The following RAP1GAP variants were observed in gnomAD, a reference collection of about 807,000 sequenced individuals.
The protein encoded by RAP1GAP is RAP1 GTPase activating protein.
In RAP1GAP, 35 loss-of-function variants were observed where a neutral mutation model predicts 87.2. The ratio of observed to expected loss-of-function variants is 0.40; its 90% CI spans 0.31 to 0.53. RAP1GAP has a LOEUF of 0.53. Among genes scored for constraint, RAP1GAP ranks in the 20% least tolerant of loss-of-function variants. RAP1GAP has a pLI of 0.48. For missense variants in RAP1GAP, 734 were observed against 898.9 expected (o/e 0.82, Z 2.35); for synonymous variants, 375 against 363.9 (o/e 1.03, Z -0.35).
In RAP1GAP at chr1:21,609,390, TG is replaced by T. The variant is rs1422637020; in HGVS notation, c.1071+184del. Among the ~76,000 whole-genome samples the T allele has an allele frequency of 3.5e-5, 4 of 114,162 alleles. No individual in the cohort carries two copies. The highest frequency in any genetic ancestry group is 1.0e-4 in the African/African-American group (3 of 29,102). 74.9% of individuals were successfully genotyped at this position (114,162 alleles called of 152,430 possible). On this transcript the variant is annotated intron_variant, in intron 15 of 24. Transcript: ENST00000374765. This position sits in a 1 kb window ranked among gnomAD's most constrained non-coding sequence, Gnocchi z 4.4. ...TCGTGTAGTTTATCCTGTGACCTTG[TG>T]AAAAAAAAAAAAAAGGTGTTTTCAA...
Position 21,601,720 on chromosome 1 carries a change from G to A in RAP1GAP, c.1616C>T (p.Thr539Ile), listed in dbSNP as rs1459210687. ...CGTGGGCATCTCTGGGGAGCTCTGA[G>A]TGGATGAGTTCTCCGACTTGGGCTC... ...SQEPKSENSS[T>I]QSSPEMPTTK... is the part of the protein sequence containing the mutation. The change falls in exon 20 of 25, where the codon ACT becomes ATT. Residue 539 changes from threonine to isoleucine, a missense_variant. By Grantham distance (89) the Thr-to-Ile change is moderately conservative. This residue lies in a region of RAP1GAP where 249 missense variants were observed against 252.7 expected (regional missense o/e 0.99). Coordinates refer to ENST00000374765, the MANE Select transcript of RAP1GAP (RefSeq NM_002885.4). The A allele has an allele frequency of 6.2e-7, 1 of 1,612,510 alleles. No homozygotes were observed. The highest frequency in any genetic ancestry group is 8.5e-7 in the Non-Finnish European group (1 of 1,178,948).
intron 1 of RAP1GAP, among the ~76,000 whole-genome samples, chr1:21,653,542 A>AACTTACTT (rs1432701497): frequency 1.7e-5 from 2 of 120,144 alleles, no homozygotes; most frequent in African/African-American, 3.0e-5. Context: ...AGAAGGGAGG[A>AACTTACTT]ACTTCCTTCC....
chr1:21,610,113 C>T lies in RAP1GAP; in HGVS notation c.999+7G>A, dbSNP rs368947098. 16 of 1,613,142 alleles carry T rather than the reference C, an allele frequency of 9.9e-6. No homozygotes were observed. Among genetic ancestry groups the T allele is most frequent in the African/African-American group, 9.3e-5 (7 of 74,904 alleles). On this transcript the variant is annotated splice_region_variant and intron_variant, in intron 14 of 24. Transcript: ENST00000374765. ...TGATGCCCCTGGGAGGCTCCAAGAGCGCCCACCTTGTAGAGGGGGCCATCA... is the reference window on the plus strand; with the variant it reads ...TGATGCCCCTGGGAGGCTCCAAGAGTGCCCACCTTGTAGAGGGGGCCATCA...
chr1:21,612,003 C>T (rs978553824), intron 11 of RAP1GAP, 23 bp downstream of exon 11: 12 of 1,524,700 alleles, frequency 7.9e-6, no homozygotes, highest in East Asian at 2.4e-5. Flanking sequence ...TGGGGAGGGG[C>T]GGCAGGGAGG....
intron 7 of RAP1GAP, 31 bp from the exon 8 acceptor site, chr1:21,614,120 G>T: frequency 6.8e-7 from 1 of 1,474,790 alleles, no homozygotes; most frequent in South Asian, 1.2e-5. Context: ...CAGGGGAGTG[G>T]GTGAGGCTGA....
chr1:21,624,387 C>G (rs138499026), intron 3 of RAP1GAP, among the ~76,000 whole-genome samples: 1 of 152,200 alleles, frequency 6.6e-6, no homozygotes, highest in African/African-American at 2.4e-5. Context: ...ACTGTCACCT[C>G]TGTTTTACAG....
At position 21,626,176 on chromosome 1, in the gene RAP1GAP, A is replaced by C. The variant is rs879636535; in HGVS notation, c.-19+128T>G. 5.7e-5 allele frequency: 47 copies of C among 819,724 alleles called. 1 individual carries two copies. Among genetic ancestry groups the C allele is most frequent in the Non-Finnish European group, 9.0e-5 (45 of 502,082 alleles). The allele number at this position is 819,724 out of a possible 1,614,324, so 50.8% of individuals were successfully genotyped here. On this transcript the variant is annotated intron_variant, in intron 3 of 24. Coordinates refer to ENST00000374765, the MANE Select transcript of RAP1GAP (RefSeq NM_002885.4). ...GGAGTGGCAACCCCTTAGGAGCTAAACCCCATCAGCATCTGCCTGAACATT... is the reference window on the plus strand; with the variant it reads ...GGAGTGGCAACCCCTTAGGAGCTAACCCCCATCAGCATCTGCCTGAACATT...
At position 21,615,269 on chromosome 1, in the gene RAP1GAP, G is replaced by A. The variant is rs1413754184; in HGVS notation, c.292-1180C>T. ...AACCTCCCCTCTCTGCCAGGATAGG[G>A]CCCAGTGCCTGAGCACCTGGCTGCT... On this transcript the variant is annotated intron_variant, in intron 7 of 24. Coordinates refer to ENST00000374765, the MANE Select transcript of RAP1GAP (RefSeq NM_002885.4). The surrounding 1 kb of genome is among the most constrained non-coding windows in gnomAD (Gnocchi z 4.5). Among the ~76,000 whole-genome samples, 2 of 152,268 alleles carry A rather than the reference G, an allele frequency of 1.3e-5. No homozygotes were observed. The highest frequency in any genetic ancestry group is 3.9e-4 in the East Asian group (2 of 5,168).
chr1:21,598,064 C>T lies in RAP1GAP; in HGVS notation c.1880G>A (p.Gly627Asp). The change falls in exon 23 of 25, where the codon GGC (glycine) becomes GAC (aspartate). Residue 627 changes from glycine (G) to aspartate (D), a missense_variant and splice_region_variant. Gly to Asp is a moderately conservative substitution (Grantham distance 94). Transcript: ENST00000374765. The stretch of plus-strand genomic sequence containing the variant: ...GTCTGGGTGGGGTGATCGAGAGGGG[C>T]CTGGGGAGGGGGGCAGGAGGGAGCC... ...VSTTSGGSSP[G>D]PSRSPHPDAG... 1.3e-6 allele frequency: 2 copies of T among 1,542,230 alleles called. No homozygotes were observed. The highest frequency in any genetic ancestry group is 1.8e-6 in the Non-Finnish European group (2 of 1,140,534).
At chr1:21,604,050 G>A (rs999193562) in intron 18 of RAP1GAP, 20 of 684,224 alleles carry the variant, frequency 2.9e-5, no homozygotes, top group South Asian at 1.7e-4. Context: ...GGAAGAGAAC[G>A]GTGCAGGAGG....
In RAP1GAP at chr1:21,644,904, A is replaced by T. The variant is rs1396076819; in HGVS notation, c.-113+4857T>A. On this transcript the variant is annotated intron_variant, in intron 2 of 24. Coordinates refer to ENST00000374765, the MANE Select transcript of RAP1GAP (RefSeq NM_002885.4). ...TAACAGAGTGAGACCCTGTCTCAAA[A>T]AAAAAAAAAAAAAAAAGAGAAAAGA... 1.4e-4 allele frequency among the ~76,000 whole-genome samples: 20 copies of T among 145,538 alleles called. No individual in the cohort carries two copies. In the East Asian group the frequency reaches 3.0e-3, roughly 22 times the overall value.
rs918180218 is a variant in RAP1GAP at position 21,622,565 on chromosome 1, C to T, written c.-18-2515G>A. 4 of 146,950 alleles carry T rather than the reference C, an allele frequency of 2.7e-5. No individual in the cohort carries two copies. Among genetic ancestry groups the T allele is most frequent in the African/African-American group, 9.8e-5 (4 of 40,884 alleles). 9.1% of individuals were successfully genotyped at this position (146,950 alleles called of 1,614,324 possible). ...GGCGCTGCCTGCGATGGGCTCGCCC[C>T]ACGGCGGGGCCCGGAGGGGGCGGGG... On this transcript the variant is annotated intron_variant, in intron 3 of 24. Coordinates refer to ENST00000374765, the MANE Select transcript of RAP1GAP (RefSeq NM_002885.4). The surrounding 1 kb of genome is among the most constrained non-coding windows in gnomAD (Gnocchi z 5.7).
At chr1:21,641,355 A>G (rs1371866463) in intron 2 of RAP1GAP, among the ~76,000 whole-genome samples, 3 of 152,056 alleles carry the variant, frequency 2.0e-5, no homozygotes, top group East Asian at 1.9e-4. Flanking sequence ...CCTGCCCCCA[A>G]TCCTTTACAT....
chr1:21,620,188 C>T (rs549208436), intron 3 of RAP1GAP, 138 bp from the exon 4 acceptor site: 17 of 855,026 alleles, frequency 2.0e-5, no homozygotes, highest in South Asian at 6.3e-5. Context: ...GCGGGAGTGA[C>T]GGGAGCATCG....
chr1:21,665,149 C>T lies in RAP1GAP; in HGVS notation c.-149+4105G>A. ...TATCCCTTGAAACATACTCATCAGGCAAGTGCTATGATTCCCACTTCCTAG... is the reference window on the plus strand; with the variant it reads ...TATCCCTTGAAACATACTCATCAGGTAAGTGCTATGATTCCCACTTCCTAG... On this transcript the variant is annotated intron_variant, in intron 1 of 24. Transcript: ENST00000374765. The T allele has an allele frequency of 1.4e-5, 6 of 425,210 alleles. 1 individual carries two copies. The highest frequency in any genetic ancestry group is 1.0e-4 in the South Asian group (6 of 58,722). The allele number at this position is 425,210 out of a possible 1,614,324, so 26.3% of individuals were successfully genotyped here.
intron 1 of RAP1GAP, among the ~76,000 whole-genome samples, chr1:21,652,583 C>T (rs1278773042): frequency 6.6e-6 from 1 of 152,076 alleles, no homozygotes; most frequent in Non-Finnish European, 1.5e-5. Flanking sequence ...GGAGTGGAGA[C>T]GCCCCCCTCC....
chr1:21,620,675 C>T (rs933748935), intron 3 of RAP1GAP, among the ~76,000 whole-genome samples: 1 of 152,198 alleles, frequency 6.6e-6, no homozygotes, highest in African/African-American at 2.4e-5. Flanking sequence ...CCAGCGCCAA[C>T]TCCCTGCGAG....
chr1:21,644,619 G>C (rs187922683), intron 2 of RAP1GAP, among the ~76,000 whole-genome samples: 240 of 152,284 alleles, frequency 1.6e-3, no homozygotes, highest in African/African-American at 5.5e-3. Context: ...AGTGGACCTG[G>C]CCGGGCGCGG....
In RAP1GAP at chr1:21,634,755, C is replaced by T. The variant is rs2094413432; in HGVS notation, c.-112-8358G>A. On this transcript the variant is annotated intron_variant, in intron 2 of 24. Transcript: ENST00000374765. This position sits in a 1 kb window ranked among gnomAD's most constrained non-coding sequence, Gnocchi z 4.1. ...CACAGCATCTGGGAACCAGGCCACC[C>T]ATTTACCTGCTGTCTATCCAGCATC... The T allele has an allele frequency of 2.1e-6, 1 of 475,928 alleles. No homozygotes were observed. Among genetic ancestry groups the T allele is most frequent in the South Asian group, 1.5e-5 (1 of 65,230 alleles). 29.5% of individuals were successfully genotyped at this position (475,928 alleles called of 1,614,324 possible).
Sources: gnomAD v4.1 joint callset for allele counts (sites outside exome capture counted in the v4.1 genomes callset) on GRCh38, gnomAD v4.1.1 for gene constraint, gnomAD v4.1.1 regional missense constraint, Gnocchi (gnomAD v3.1) non-coding constraint, MANE v1.5 for transcripts, NCBI Gene and HGNC (gene_info 2026-07-23, HGNC 2026-07-21) for gene names.